The following FGF11 variants were observed in gnomAD, a reference collection of about 807,000 sequenced individuals.
The protein encoded by FGF11 is fibroblast growth factor 11.
FGF11 carries 25 observed loss-of-function variants against 25.1 expected under a neutral mutation model. The observed-to-expected ratio is 1.00, with a 90% confidence interval of 0.73 to 1.39. The LOEUF (loss-of-function observed/expected upper bound fraction) is 1.39, where lower values mean the gene tolerates loss of function less well. Ranked by LOEUF, FGF11 falls within the 40% of genes most tolerant of loss-of-function variation. FGF11 has a pLI of 0.00. For missense variants in FGF11, 320 were observed against 311.0 expected, an observed-to-expected ratio of 1.03 and a Z score of -0.22; for synonymous variants, 130 against 128.9, an observed-to-expected ratio of 1.01 and a Z score of -0.06.
At position 7,441,572 on chromosome 17, in the gene FGF11, A is replaced by G; in HGVS notation, c.295A>G (p.Ser99Gly). The part of the protein sequence containing the change: ...GSIQGTPEDT[S>G]SFTHFNLIPV... The stretch of plus-strand genomic sequence containing the variant: ...CATCCAGGGCACCCCAGAGGATACC[A>G]GCTCCTTCAGTGAGAGGGGAAGCTG... The change falls in exon 2 of 5, where the codon AGC becomes GGC. Residue 99 changes from serine to glycine, a missense_variant. Transcript: ENST00000293829. The G allele has an allele frequency of 1.2e-6, 2 of 1,614,186 alleles. No individual in the cohort carries two copies. The highest frequency in any genetic ancestry group is 1.6e-4 in the Middle Eastern group (1 of 6,062).
Position 7,443,138 on chromosome 17 carries a change from GC to G in FGF11, c.675del (p.Ter226GlufsTer3), listed in dbSNP as rs751477117. The G allele has an allele frequency of 4.4e-6, 7 of 1,598,138 alleles. No individual in the cohort carries two copies. Among genetic ancestry groups the G allele is most frequent in the Non-Finnish European group, 6.0e-6 (7 of 1,167,338 alleles). On this transcript the variant is annotated frameshift_variant, in exon 5 of 5. Transcript: ENST00000293829. LOFTEE classifies it high-confidence loss of function. ...VPEASPSSPPAP is the reference protein window; with the variant it reads ...VPEASPSSPPXP Reference sequence around the variant, plus strand: ...CGAGGCCTCCCCTTCCAGTCCCCCTGCCCCCTGAAATGTAGTCCCTGGACTG... The same window carrying G: ...CGAGGCCTCCCCTTCCAGTCCCCCTGCCCCTGAAATGTAGTCCCTGGACTG...
At chr17:7,442,358 C>T in intron 3 of FGF11, 1 of 1,249,990 alleles carries the variant, frequency 8.0e-7, no homozygotes, top group South Asian at 1.7e-5. Flanking sequence ...CCCGCCTCGG[C>T]CTCCCAAAGT....
In FGF11 at chr17:7,440,807, C is replaced by A. The variant is rs909766959; in HGVS notation, c.194-664C>A. 3.3e-5 allele frequency: 33 copies of A among 987,822 alleles called. No homozygotes were observed. Among genetic ancestry groups the A allele is most frequent in the East Asian group, 1.1e-4 (1 of 8,894 alleles). 61.2% of individuals were successfully genotyped at this position (987,822 alleles called of 1,614,324 possible). A position where few individuals can be genotyped will look rare whatever the true frequency, so the allele number is the denominator to read the frequency against. The stretch of plus-strand genomic sequence containing the variant: ...CTCCATCTCCTCAGCTCCCACCCCC[C>A]ATATCCTTGGTAAGGTCCCCCTTAC... On this transcript the variant is annotated intron_variant, in intron 1 of 4. Transcript: ENST00000293829. The surrounding 1 kb of genome is among the most constrained non-coding windows in gnomAD (Gnocchi z 5.4).
In FGF11 at chr17:7,440,902, G is replaced by GGACT; in HGVS notation, c.194-565_194-562dup. ...GAGAACTGGGCCCCCGGGAGCCAGC[G>GGACT]GACTGACAGACAGACAGACAGACAG... is the stretch of plus-strand genomic sequence containing the variant. On this transcript the variant is annotated intron_variant, in intron 1 of 4. Transcript: ENST00000293829. The surrounding 1 kb of genome is among the most constrained non-coding windows in gnomAD (Gnocchi z 5.4). The GGACT allele has an allele frequency of 2.0e-6, 2 of 988,172 alleles. No homozygotes were observed. The highest frequency in any genetic ancestry group is 2.4e-6 in the Non-Finnish European group (2 of 831,842). 61.2% of individuals were successfully genotyped at this position (988,172 alleles called of 1,614,324 possible). A position where few individuals can be genotyped will look rare whatever the true frequency, so the allele number is the denominator to read the frequency against.
rs768234750 is a variant in FGF11, at chr17:7,441,568, T to C, written c.291T>C (p.Asp97=). The C allele has an allele frequency of 1.1e-5, 17 of 1,614,160 alleles. No homozygotes were observed. The highest frequency in any genetic ancestry group is 1.2e-5 in the Non-Finnish European group (14 of 1,180,030). ...PDGSIQGTPE[D]TSSFTHFNLI... is the part of the protein sequence containing the mutation. ...GAAGCATCCAGGGCACCCCAGAGGA[T>C]ACCAGCTCCTTCAGTGAGAGGGGAA... The change falls in exon 2 of 5, where the codon GAT becomes GAC. Residue 97 remains aspartate, a synonymous_variant. Coordinates refer to ENST00000293829, the MANE Select transcript of FGF11 (RefSeq NM_004112.4).
intron 4 of FGF11, 96 bp from the exon 5 acceptor site, chr17:7,442,980 A>T: frequency 8.4e-7 from 1 of 1,189,292 alleles, no homozygotes; most frequent in Non-Finnish European, 1.2e-6. Flanking sequence ...TGGAGGGTGA[A>T]TGTACGGGAA....
At position 7,440,752 on chromosome 17, in the gene FGF11, G is replaced by A. The variant is rs532650600; in HGVS notation, c.194-719G>A. On this transcript the variant is annotated intron_variant, in intron 1 of 4. Coordinates refer to ENST00000293829, the MANE Select transcript of FGF11 (RefSeq NM_004112.4). This position sits in a 1 kb window ranked among gnomAD's most constrained non-coding sequence, Gnocchi z 5.4. ...AATCCGCAGCCCACCCTCTGAGTAGGACCGGGCCCCCACGTGACTCAGCCT... is the reference window on the plus strand; with the variant it reads ...AATCCGCAGCCCACCCTCTGAGTAGAACCGGGCCCCCACGTGACTCAGCCT... 5.1e-6 allele frequency: 5 copies of A among 986,870 alleles called. No individual in the cohort carries two copies. In the African/African-American group the frequency reaches 8.7e-5, roughly 17 times the overall value. 61.1% of individuals were successfully genotyped at this position (986,870 alleles called of 1,614,324 possible).
intron 3 of FGF11, 149 bp from the exon 4 acceptor site, chr17:7,442,445 C>T (rs1908371207): frequency 6.7e-7 from 1 of 1,494,576 alleles, no homozygotes; most frequent in South Asian, 1.3e-5. Flanking sequence ...CCTTGTCCTC[C>T]CTTTGCTCCC....
rs547628699 is a variant in FGF11, at chr17:7,439,821, C to T, written c.193+8C>T. ...GGCCGGACCGCGGCCCGGGTGAGTG[C>T]GGCTGGGGCGGGGTCTCCCGGCCAG... On this transcript the variant is annotated splice_region_variant and intron_variant, in intron 1 of 4. Coordinates refer to ENST00000293829, the MANE Select transcript of FGF11 (RefSeq NM_004112.4). The T allele has an allele frequency of 1.3e-4, 189 of 1,414,314 alleles. 1 individual carries two copies. The East Asian group carries it at 5.3e-3, about 39-fold the overall frequency. 87.6% of individuals were successfully genotyped at this position (1,414,314 alleles called of 1,614,324 possible).
intron 3 of FGF11, 99 bp from the exon 4 acceptor site, chr17:7,442,495 C>T: frequency 1.5e-6 from 2 of 1,359,646 alleles, no homozygotes; most frequent in Non-Finnish European, 2.0e-6. Flanking sequence ...CCCCCTCCCC[C>T]AAAAAGGATT....
chr17:7,440,871 CT>C lies in FGF11; in HGVS notation c.194-599del. 2.0e-6 allele frequency: 2 copies of C among 990,618 alleles called. No homozygotes were observed. The highest frequency in any genetic ancestry group is 2.4e-6 in the Non-Finnish European group (2 of 833,160). 61.4% of individuals were successfully genotyped at this position (990,618 alleles called of 1,614,324 possible). On this transcript the variant is annotated intron_variant, in intron 1 of 4. Coordinates refer to ENST00000293829, the MANE Select transcript of FGF11 (RefSeq NM_004112.4). The surrounding 1 kb of genome is among the most constrained non-coding windows in gnomAD (Gnocchi z 5.4). ...CCTGGCCGAAGGGGAGAGGCTGAGC[CT>C]CAGGGAGAACTGGGCCCCCGGGAGC...
At chr17:7,438,460 G>C (rs1038479712), upstream of FGF11, 1 of 153,640 alleles carries the variant, frequency 6.5e-6, no homozygotes, top group Admixed American at 6.5e-5. Context: ...CTCCGTTTGC[G>C]GGGGACAGGG....
At position 7,442,271 on chromosome 17, in the gene FGF11, T is replaced by C. The variant is rs1368912747; in HGVS notation, c.409-323T>C. On this transcript the variant is annotated intron_variant, in intron 3 of 4. Coordinates refer to ENST00000293829, the MANE Select transcript of FGF11 (RefSeq NM_004112.4). ...CAAGACCCCTAAAAGTCTAGTTCTTTTTTTTTTTTTTAAATAGTGACAGGG... is the reference window on the plus strand; with the variant it reads ...CAAGACCCCTAAAAGTCTAGTTCTTCTTTTTTTTTTTAAATAGTGACAGGG... The C allele has an allele frequency of 8.4e-6, 3 of 357,136 alleles. No homozygotes were observed. The East Asian group carries it at 2.0e-4, about 24-fold the overall frequency. The allele number at this position is 357,136 out of a possible 1,614,324, so 22.1% of individuals were successfully genotyped here. A position where few individuals can be genotyped will look rare whatever the true frequency, so the allele number is the denominator to read the frequency against.
At chr17:7,439,276 A>C, upstream of FGF11, 1 of 220,322 alleles carries the variant, frequency 4.5e-6, no homozygotes, top group Non-Finnish European at 8.9e-6. Flanking sequence ...CGTCTTGGAA[A>C]TTTAGTGGGT....
rs147197164 is a variant in FGF11 at position 7,440,577 on chromosome 17, G to A, written c.193+764G>A. ...GAAGTCGGCAGAGAGCAAGCGATGGGGGAGGAGAGTTGTGAGAGTTAGAAT... is the reference window on the plus strand; with the variant it reads ...GAAGTCGGCAGAGAGCAAGCGATGGAGGAGGAGAGTTGTGAGAGTTAGAAT... On this transcript the variant is annotated intron_variant, in intron 1 of 4. Coordinates refer to ENST00000293829, the MANE Select transcript of FGF11 (RefSeq NM_004112.4). The surrounding 1 kb of genome is among the most constrained non-coding windows in gnomAD (Gnocchi z 5.4). 1.2e-6 allele frequency: 1 copy of A among 818,788 alleles called. No homozygotes were observed. Among genetic ancestry groups the A allele is most frequent in the Non-Finnish European group, 1.5e-6 (1 of 677,798 alleles). 50.7% of individuals were successfully genotyped at this position (818,788 alleles called of 1,614,324 possible).
upstream of FGF11, chr17:7,439,445 G>A (rs1198405361): frequency 6.1e-6 from 3 of 490,864 alleles, no homozygotes; most frequent in Non-Finnish European, 1.0e-5. Context: ...GTAACTGGCT[G>A]CTGTGGAGGG....
At position 7,440,226 on chromosome 17, in the gene FGF11, C is replaced by A. The variant is rs1004323015; in HGVS notation, c.193+413C>A. On this transcript the variant is annotated intron_variant, in intron 1 of 4. Transcript: ENST00000293829. This position sits in a 1 kb window ranked among gnomAD's most constrained non-coding sequence, Gnocchi z 5.4. ...TCTGCAGCTCCAGCCGCACGCCCCC[C>A]CCCAGCCCCCGCCTGCCCCGGTTCT... The A allele has an allele frequency of 9.3e-5, 15 of 162,036 alleles. 1 individual carries two copies. Among genetic ancestry groups the A allele is most frequent in the African/African-American group, 7.2e-5 (3 of 41,846 alleles). 10.0% of individuals were successfully genotyped at this position (162,036 alleles called of 1,614,324 possible).
In FGF11 at chr17:7,442,617, C is replaced by T. The variant is rs199749763; in HGVS notation, c.432C>T (p.Arg144=). 3 of 1,614,224 alleles carry T rather than the reference C, an allele frequency of 1.9e-6. No homozygotes were observed. Among genetic ancestry groups the T allele is most frequent in the East Asian group, 2.2e-5 (1 of 44,886 alleles). ...AGCCGCATTTCACAGCTGAGTGTCG[C>T]TTTAAGGAGTGTGTCTTTGAGAATT... is the stretch of plus-strand genomic sequence containing the variant. ...YSSPHFTAEC[R]FKECVFENYY... Residue 144 remains arginine, a synonymous_variant, in exon 4 of 5, where the codon CGC becomes CGT. Coordinates refer to ENST00000293829, the MANE Select transcript of FGF11 (RefSeq NM_004112.4).
At position 7,444,732 on chromosome 17, in the gene FGF11, G is replaced by A. The variant is rs1908509244; in HGVS notation, c.*1586G>A. 6.9e-6 allele frequency: 2 copies of A among 290,878 alleles called. No homozygotes were observed. Among genetic ancestry groups the A allele is most frequent in the Non-Finnish European group, 1.3e-5 (2 of 150,432 alleles). The allele number at this position is 290,878 out of a possible 1,614,324, so 18.0% of individuals were successfully genotyped here. A position where few individuals can be genotyped will look rare whatever the true frequency, so the allele number is the denominator to read the frequency against. The stretch of plus-strand genomic sequence containing the variant: ...ATAGCCTCAGACTTGGATAGGGTAG[G>A]CTGAGGGGGCCCTAAGGGAGGGACT... On this transcript the variant is annotated 3_prime_UTR_variant, in exon 5 of 5. Coordinates refer to ENST00000293829, the MANE Select transcript of FGF11 (RefSeq NM_004112.4).
Sources: allele counts gnomAD v4.1 joint callset, GRCh38; gene constraint gnomAD v4.1.1; non-coding constraint Gnocchi (gnomAD v3.1); transcripts MANE v1.5; gene names NCBI Gene and HGNC (gene_info 2026-07-23, HGNC 2026-07-21).